SDHAF3: variants seen among roughly 807,000 people sequenced by gnomAD.
SDHAF3 encodes the protein succinate dehydrogenase complex assembly factor 3.
A neutral mutation model predicts 11.5 loss-of-function variants in SDHAF3; 18 were observed. That is an observed-to-expected ratio of 1.56 (90% CI 1.08 to 2.32). SDHAF3 has a LOEUF of 2.32. Ranked by LOEUF, SDHAF3 falls within the 30% of genes most tolerant of loss-of-function variation. The pLI is 0.00. For missense variants in SDHAF3, 200 were observed against 154.4 expected (o/e 1.30, Z -1.57); for synonymous variants, 72 against 59.3 (o/e 1.21, Z -0.99).
intron 1 of SDHAF3, among the ~76,000 whole-genome samples, chr7:97,175,637 T>G (rs1584235996): frequency 6.6e-6 from 1 of 152,164 alleles, no homozygotes; most frequent in Non-Finnish European, 1.5e-5. Context: ...ATAAGCAAGT[T>G]TAATATACAG....
At position 97,147,504 on chromosome 7, in the gene SDHAF3, A is replaced by G. The variant is rs188426244; in HGVS notation, c.174+29607A>G. Among the ~76,000 whole-genome samples, 208 of 152,356 alleles carry G rather than the reference A, an allele frequency of 1.4e-3. 2 individuals carry two copies. The highest frequency in any genetic ancestry group is 4.8e-3 in the African/African-American group (200 of 41,582). The stretch of plus-strand genomic sequence containing the variant: ...AGGGAACTAGTTTATAAGAAATTTC[A>G]GCATCATTGTAGGGTACTTAGGTTG... On this transcript the variant is annotated intron_variant, in intron 1 of 1. Transcript: ENST00000432641.
At chr7:97,157,170 G>A (rs1348288497) in intron 1 of SDHAF3, among the ~76,000 whole-genome samples, 1 of 152,102 alleles carries the variant, frequency 6.6e-6, no homozygotes. Context: ...ATTTGACTCT[G>A]GATACTAATT....
chr7:97,122,617 C>T (rs1791519220), intron 1 of SDHAF3, among the ~76,000 whole-genome samples: 1 of 151,796 alleles, frequency 6.6e-6, no homozygotes, highest in South Asian at 2.1e-4. Flanking sequence ...AGCATGATAC[C>T]AGTAACCAGA....
chr7:97,152,211 A>C (rs1343501089), intron 1 of SDHAF3, among the ~76,000 whole-genome samples: 1 of 152,200 alleles, frequency 6.6e-6, no homozygotes, highest in Non-Finnish European at 1.5e-5. Context: ...GATGAAGCCA[A>C]TTTATCAAGA....
intron 1 of SDHAF3, among the ~76,000 whole-genome samples, chr7:97,173,629 T>G (rs1301377004): frequency 6.6e-6 from 1 of 150,450 alleles, no homozygotes; most frequent in East Asian, 2.0e-4. Flanking sequence ...CTCGGCTTAC[T>G]GCAAGCTCCG....
At chr7:97,162,039 C>T (rs1789420290) in intron 1 of SDHAF3, among the ~76,000 whole-genome samples, 1 of 152,236 alleles carries the variant, frequency 6.6e-6, no homozygotes, top group South Asian at 2.1e-4. Flanking sequence ...AACTAATTTA[C>T]ACTCTCACCA....
intron 1 of SDHAF3, among the ~76,000 whole-genome samples, chr7:97,119,252 G>A (rs560354067): frequency 6.6e-6 from 1 of 152,296 alleles, no homozygotes; most frequent in East Asian, 1.9e-4. Flanking sequence ...ACAGGAAGGA[G>A]AGTAGCTCTC....
At chr7:97,168,005 G>GA (rs1289574945) in intron 1 of SDHAF3, among the ~76,000 whole-genome samples, 1 of 152,196 alleles carries the variant, frequency 6.6e-6, no homozygotes, top group Admixed American at 6.5e-5. Context: ...GCACTGGGGG[G>GA]AATGGGGTAG....
At chr7:97,164,665 G>A (rs992159808) in intron 1 of SDHAF3, among the ~76,000 whole-genome samples, 2 of 152,024 alleles carry the variant, frequency 1.3e-5, no homozygotes, top group South Asian at 2.1e-4. Context: ...GTGAGCCAGC[G>A]TGCCTTTCCG....
At position 97,117,822 on chromosome 7, in the gene SDHAF3, G is replaced by A. The variant is rs1663946989; in HGVS notation, c.99G>A (p.Gln33=). The change falls in exon 1 of 2, where the codon CAG becomes CAA. Residue 33 remains glutamine (Q), a synonymous_variant. Transcript: ENST00000432641. The part of the protein sequence containing the change: ...LPPDLKSLGD[Q]YVKDEFRRHK... ...CGGACCTCAAATCCCTGGGCGACCA[G>A]TACGTGAAAGACGAATTTAGGAGAC... 6.2e-7 allele frequency: 1 copy of A among 1,614,188 alleles called. No individual in the cohort carries two copies. Among genetic ancestry groups the A allele is most frequent in the Non-Finnish European group, 8.5e-7 (1 of 1,180,038 alleles).
intron 1 of SDHAF3, among the ~76,000 whole-genome samples, chr7:97,128,375 A>G (rs1209997322): frequency 6.6e-6 from 1 of 152,212 alleles, no homozygotes; most frequent in Non-Finnish European, 1.5e-5. Flanking sequence ...AATGTGTTAT[A>G]ACAATGCTCA....
intron 1 of SDHAF3, among the ~76,000 whole-genome samples, chr7:97,139,465 A>T (rs1788994590): frequency 6.6e-6 from 1 of 152,218 alleles, no homozygotes; most frequent in South Asian, 2.1e-4. Context: ...TAAAAAAGCC[A>T]ATTAGGGAAG....
At chr7:97,162,277 TG>T (rs1789426071) in intron 1 of SDHAF3, among the ~76,000 whole-genome samples, 1 of 152,174 alleles carries the variant, frequency 6.6e-6, no homozygotes, top group Admixed American at 6.5e-5. Flanking sequence ...TTGATGGGGT[TG>T]TTTTTTTCTT....
chr7:97,117,985 A>G, intron 1 of SDHAF3, 88 bp downstream of exon 1: 1 of 1,474,176 alleles, frequency 6.8e-7, no homozygotes, highest in Non-Finnish European at 9.3e-7. Context: ...GCGGGGTTAA[A>G]CAGAGCAGCA....
intron 1 of SDHAF3, among the ~76,000 whole-genome samples, chr7:97,151,103 A>G (rs892904873): frequency 1.3e-5 from 2 of 152,188 alleles, no homozygotes; most frequent in East Asian, 1.9e-4. Flanking sequence ...CCACTGGAGT[A>G]GTACATTTGT....
chr7:97,126,697 A>C (rs777287809), intron 1 of SDHAF3, among the ~76,000 whole-genome samples: 33 of 152,102 alleles, frequency 2.2e-4, no homozygotes, highest in Admixed American at 6.5e-5. Context: ...GCTGGCAGCG[A>C]GAAATTCAAG....
intron 1 of SDHAF3, among the ~76,000 whole-genome samples, chr7:97,174,231 G>GAAAGT (rs1789647647): frequency 1.3e-5 from 2 of 152,114 alleles, no homozygotes; most frequent in South Asian, 4.1e-4. Context: ...GTTCAAATAA[G>GAAAGT]AAAGTATTAT....
chr7:97,139,780 GTCTT>G (rs1431431400), intron 1 of SDHAF3, among the ~76,000 whole-genome samples: 9 of 152,196 alleles, frequency 5.9e-5, no homozygotes, highest in Non-Finnish European at 1.3e-4. Flanking sequence ...TCTTAATTAA[GTCTT>G]TCTTCTTTCT....
In SDHAF3 at chr7:97,181,086, C is replaced by T; in HGVS notation, c.249C>T (p.Thr83=). 1 of 1,613,970 alleles carries T rather than the reference C, an allele frequency of 6.2e-7. No individual in the cohort carries two copies. ...QNSTGKACFG[T]FLPEEKLNDF... Reference sequence around the variant, plus strand: ...CAACTGGAAAAGCATGTTTTGGCACCTTCCTCCCAGAAGAAAAACTTAATG... The same window carrying T: ...CAACTGGAAAAGCATGTTTTGGCACTTTCCTCCCAGAAGAAAAACTTAATG... Residue 83 remains threonine (T), a synonymous_variant, in exon 2 of 2, where the codon ACC becomes ACT. Transcript: ENST00000432641.
Sources: gnomAD v4.1 joint callset for allele counts (sites outside exome capture counted in the v4.1 genomes callset) on GRCh38, gnomAD v4.1.1 for gene constraint, MANE v1.5 for transcripts, NCBI Gene and HGNC (gene_info 2026-07-23, HGNC 2026-07-21) for gene names.